Variants in PLCB4 observed in about 807,000 individuals in gnomAD.
The protein encoded by PLCB4 is phospholipase C beta 4.
Under a neutral mutation model 178.8 loss-of-function variants are expected in PLCB4, and 77 were observed. The ratio of observed to expected loss-of-function variants is 0.43; its 90% confidence interval spans 0.36 to 0.52. The LOEUF is 0.52. PLCB4 is among the 20% of genes least tolerant of loss of function. The pLI, the probability that PLCB4 is intolerant of heterozygous loss-of-function variation, is 0.00. For missense variants in PLCB4, 1,024 were observed against 1,453.4 expected (o/e 0.70, Z 4.80); for synonymous variants, 496 against 490.8 (o/e 1.01, Z -0.14).
intron 3 of PLCB4, among the ~76,000 whole-genome samples, chr20:9,298,992 C>T (rs2094672936): frequency 6.6e-6 from 1 of 152,018 alleles, no homozygotes; most frequent in Admixed American, 6.6e-5. Flanking sequence ...CCATCACAAT[C>T]AGTTTTTTCC....
At chr20:9,232,956 G>A (rs2093949765) in intron 3 of PLCB4, among the ~76,000 whole-genome samples, 1 of 152,118 alleles carries the variant, frequency 6.6e-6, no homozygotes, top group African/African-American at 2.4e-5. Flanking sequence ...AACTTAGGAA[G>A]AGAAACTTCT....
intron 2 of PLCB4, among the ~76,000 whole-genome samples, chr20:9,118,544 C>G (rs938066393): frequency 6.6e-6 from 1 of 151,708 alleles, no homozygotes; most frequent in Non-Finnish European, 1.5e-5. Flanking sequence ...TTAATTAAGT[C>G]TTCAAGATCT....
At chr20:9,301,314 C>G (rs1168458279) in intron 3 of PLCB4, among the ~76,000 whole-genome samples, 1 of 151,804 alleles carries the variant, frequency 6.6e-6, no homozygotes, top group Non-Finnish European at 1.5e-5. Flanking sequence ...CTTAGATATG[C>G]CTGGTTTCAC....
chr20:9,122,040 G>A (rs565391601), intron 2 of PLCB4, among the ~76,000 whole-genome samples: 35 of 152,076 alleles, frequency 2.3e-4, no homozygotes, highest in Non-Finnish European at 4.4e-4. Context: ...TTAAACATGA[G>A]TGTGTTGTTT....
intron 2 of PLCB4, among the ~76,000 whole-genome samples, chr20:9,214,526 CA>C (rs1356346175): frequency 6.7e-6 from 1 of 150,278 alleles, no homozygotes; most frequent in Non-Finnish European, 1.5e-5. Context: ...TTTGAAAGAT[CA>C]AAACACGTGG....
intron 2 of PLCB4, among the ~76,000 whole-genome samples, chr20:9,135,441 T>G (rs2092362747): frequency 6.6e-6 from 1 of 152,064 alleles, no homozygotes; most frequent in South Asian, 2.1e-4. Context: ...GTGTGAGGAA[T>G]GAGGTGGTGA....
intron 2 of PLCB4, among the ~76,000 whole-genome samples, chr20:9,098,202 A>C (rs1053378286): frequency 1.3e-5 from 2 of 152,218 alleles, no homozygotes; most frequent in Non-Finnish European, 2.9e-5. Flanking sequence ...GAGAGTGAGG[A>C]TAATCTTTGA....
rs564330441 is a variant in PLCB4, at chr20:9,382,964, C to A, written c.854-1237C>A. ...TATAATTAGAAATGACCTAACTATCCATCAACCAAATAATGGATAATAAAT... is the reference window on the plus strand; with the variant it reads ...TATAATTAGAAATGACCTAACTATCAATCAACCAAATAATGGATAATAAAT... On this transcript the variant is annotated intron_variant, in intron 13 of 39. Coordinates refer to ENST00000378473, the MANE Select transcript of PLCB4 (RefSeq NM_001377142.1). Among the ~76,000 whole-genome samples the A allele has an allele frequency of 4.6e-5, 7 of 151,980 alleles. No homozygotes were observed. The East Asian group carries it at 9.7e-4, about 21-fold the overall frequency.
chr20:9,188,163 G>T (rs1164965896), intron 2 of PLCB4, among the ~76,000 whole-genome samples: 1 of 152,238 alleles, frequency 6.6e-6, no homozygotes, highest in Non-Finnish European at 1.5e-5. Context: ...AAAATGAAAA[G>T]TGTGCCAGAT....
chr20:9,127,638 TTATCTATCTATCTATC>T (rs35789567), intron 2 of PLCB4, among the ~76,000 whole-genome samples: 20,120 of 146,838 alleles, frequency 0.14, 1,448 homozygotes, highest in Middle Eastern at 0.18. Context: ...GGTGGTAAAA[TTATCTATCTATCTATC>T]TATCTATCTA....
At chr20:9,254,923 A>G (rs1365189834) in intron 3 of PLCB4, among the ~76,000 whole-genome samples, 1 of 152,218 alleles carries the variant, frequency 6.6e-6, no homozygotes, top group Non-Finnish European at 1.5e-5. Flanking sequence ...TTCTAGTATT[A>G]GAATTAAGAA....
At chr20:9,353,066 T>C (rs1228742596) in intron 7 of PLCB4, among the ~76,000 whole-genome samples, 1 of 152,200 alleles carries the variant, frequency 6.6e-6, no homozygotes, top group Non-Finnish European at 1.5e-5. Context: ...GAAAACTTTA[T>C]GAGGATTATT....
chr20:9,111,246 C>T (rs2091565029), intron 2 of PLCB4, among the ~76,000 whole-genome samples: 1 of 152,168 alleles, frequency 6.6e-6, no homozygotes, highest in African/African-American at 2.4e-5. Context: ...TTTGGCCCTG[C>T]ACCCACTAAT....
At chr20:9,231,262 C>A (rs1173733943) in intron 3 of PLCB4, among the ~76,000 whole-genome samples, 1 of 152,102 alleles carries the variant, frequency 6.6e-6, no homozygotes, top group African/African-American at 2.4e-5. Flanking sequence ...TTGAATGAAG[C>A]CTCCATGGAT....
rs2044744641 is a variant in PLCB4, at chr20:9,479,126, C to T, written c.*117C>T. 3 of 731,566 alleles carry T rather than the reference C, an allele frequency of 4.1e-6. No individual in the cohort carries two copies. In the East Asian group the frequency reaches 8.1e-5, roughly 20 times the overall value. The allele number at this position is 731,566 out of a possible 1,614,324, so 45.3% of individuals were successfully genotyped here. On this transcript the variant is annotated 3_prime_UTR_variant, in exon 40 of 40. Coordinates refer to ENST00000378473, the MANE Select transcript of PLCB4 (RefSeq NM_001377142.1). ...GTGTAAACAAGATGATATCTGAAAC[C>T]AGAGAGACTTGGAATGTCTGACTGA... is the stretch of plus-strand genomic sequence containing the variant.
chr20:9,175,829 G>A lies in PLCB4; in HGVS notation c.-78-41561G>A, dbSNP rs551728311. Among the ~76,000 whole-genome samples, 62 of 152,164 alleles carry A rather than the reference G, an allele frequency of 4.1e-4. 2 individuals carry two copies. Among genetic ancestry groups the A allele is most frequent in the South Asian group, 1.5e-3 (7 of 4,810 alleles). ...ACATTATCTCCAAATTTGGTGAAAG[G>A]TCCATTGGGCCTGTTAAAATATCTT... On this transcript the variant is annotated intron_variant, in intron 2 of 39. Coordinates refer to ENST00000378473, the MANE Select transcript of PLCB4 (RefSeq NM_001377142.1).
intron 2 of PLCB4, among the ~76,000 whole-genome samples, chr20:9,125,226 C>T (rs1370213747): frequency 6.6e-6 from 1 of 152,108 alleles, no homozygotes; most frequent in South Asian, 2.1e-4. Context: ...TATTGTTCTA[C>T]CTGTGAAACT....
In PLCB4 at chr20:9,430,963, A is replaced by G. The variant is rs114527065; in HGVS notation, c.2525-4597A>G. 7.0e-3 allele frequency among the ~76,000 whole-genome samples: 1,072 copies of G among 152,282 alleles called. 15 individuals carry two copies. Among genetic ancestry groups the G allele is most frequent in the African/African-American group, 0.025 (1,024 of 41,556 alleles). On this transcript the variant is annotated intron_variant, in intron 28 of 39. Transcript: ENST00000378473. ...TAAGTAGTGAATTTTTTTCCCCTCA[A>G]TTACTGTTGGCAATCGAATGTACAG...
intron 9 of PLCB4, chr20:9,370,898 G>T (rs556139710): frequency 5.1e-6 from 1 of 194,922 alleles, no homozygotes; most frequent in African/African-American, 2.3e-5. Flanking sequence ...GACAGAGTGA[G>T]ACTCTGTCTC....
Sources: allele counts gnomAD v4.1 joint callset (sites outside exome capture counted in the v4.1 genomes callset), GRCh38; gene constraint gnomAD v4.1.1; transcripts MANE v1.5; gene names NCBI Gene and HGNC (gene_info 2026-07-23, HGNC 2026-07-21).